The following PRKX variants were observed in gnomAD, a reference collection of about 807,000 sequenced individuals.
The protein encoded by PRKX is cAMP-dependent protein kinase catalytic subunit PRKX.
Under a neutral mutation model 22.0 loss-of-function variants are expected in PRKX, and 12 were observed. The observed-to-expected ratio is 0.54, with a 90% CI of 0.35 to 0.88. PRKX has a LOEUF of 0.88. Among genes scored for constraint, PRKX ranks in the 40% least tolerant of loss-of-function variants. The pLI is 0.01. For missense variants in PRKX, 217 were observed against 308.0 expected (o/e 0.70, Z 2.21); for synonymous variants, 134 against 137.7 (o/e 0.97, Z 0.19).
intron 1 of PRKX, among the ~76,000 whole-genome samples, chrX:3,677,165 TG>T (rs1927976199): frequency 1.8e-5 from 2 of 110,370 alleles, no homozygotes; most frequent in African/African-American, 6.6e-5. Flanking sequence ...AAGTTTTAGT[TG>T]AACAAGATAA....
At chrX:3,675,561 A>G (rs1232715036) in intron 1 of PRKX, among the ~76,000 whole-genome samples, 22 of 104,989 alleles carry the variant, frequency 2.1e-4, no homozygotes, top group African/African-American at 7.4e-4. Context: ...CTCCTCCTCC[A>G]TCTCCTCCTC....
At chrX:3,695,183 G>A (rs191078430) in intron 1 of PRKX, among the ~76,000 whole-genome samples, 132 of 111,100 alleles carry the variant, frequency 1.2e-3, no homozygotes, top group African/African-American at 4.1e-3. Context: ...GATGATAACT[G>A]AAGTCACAGG....
At chrX:3,611,927 C>T (rs1189722252) in intron 8 of PRKX, among the ~76,000 whole-genome samples, 1 of 111,423 alleles carries the variant, frequency 9.0e-6, no homozygotes, top group Non-Finnish European at 1.9e-5. Flanking sequence ...CTTATTTAGA[C>T]ATGCAGGTTC....
intron 7 of PRKX, among the ~76,000 whole-genome samples, chrX:3,615,545 A>T (rs1287301591): frequency 9.0e-6 from 1 of 111,388 alleles, no homozygotes; most frequent in East Asian, 2.8e-4. Context: ...AAAATCTGGG[A>T]TAAGTGTCCA....
intron 6 of PRKX, among the ~76,000 whole-genome samples, chrX:3,616,285 A>G (rs147031795): frequency 0.035 from 3,855 of 111,532 alleles, 73 homozygotes; most frequent in Non-Finnish European, 0.052. Flanking sequence ...GGTTCAAGGA[A>G]TGATGTTAAT....
chrX:3,689,798 A>T (rs1024738320), intron 1 of PRKX, among the ~76,000 whole-genome samples: 2 of 111,599 alleles, frequency 1.8e-5, no homozygotes, highest in South Asian at 3.7e-4. Flanking sequence ...TAACACGGTG[A>T]AACCCTGTCT....
rs1569049318 is a variant in PRKX at position 3,648,605 on chromosome X, C to CGTGT, written c.599+6543_599+6544insACAC. On this transcript the variant is annotated intron_variant, in intron 3 of 8. Coordinates refer to ENST00000262848, the MANE Select transcript of PRKX (RefSeq NM_005044.5). ...TTCAATGTGAATTACTCTCTCTACTCCTGTGTGTGTGTGTGTGTGTGTGTG... is the reference window on the plus strand; with the variant it reads ...TTCAATGTGAATTACTCTCTCTACTCGTGTCTGTGTGTGTGTGTGTGTGTGTGTG... 9.0e-3 allele frequency among the ~76,000 whole-genome samples: 416 copies of CGTGT among 46,138 alleles called. 5 individuals are homozygous for CGTGT. Among genetic ancestry groups the CGTGT allele is most frequent in the African/African-American group, 0.013 (142 of 10,850 alleles). The allele number at this position is 46,138 out of a possible 115,157, so 40.1% of individuals were successfully genotyped here.
chrX:3,644,522 A>G (rs1927151415), intron 3 of PRKX, among the ~76,000 whole-genome samples: 1 of 110,384 alleles, frequency 9.1e-6, no homozygotes, highest in Non-Finnish European at 1.9e-5. Flanking sequence ...GAAGGGACTT[A>G]CTCTCTATCT....
At chrX:3,653,688 A>G (rs1927391441) in intron 3 of PRKX, among the ~76,000 whole-genome samples, 1 of 68,064 alleles carries the variant, frequency 1.5e-5, no homozygotes, top group African/African-American at 5.4e-5. Flanking sequence ...AATATATATA[A>G]TATACTATGT....
At chrX:3,654,180 T>C (rs1927426279) in intron 3 of PRKX, among the ~76,000 whole-genome samples, 1 of 92,960 alleles carries the variant, frequency 1.1e-5, no homozygotes, top group South Asian at 4.4e-4. Context: ...ATATAATATA[T>C]ATTATATATT....
chrX:3,683,771 C>T (rs1928120252), intron 1 of PRKX, among the ~76,000 whole-genome samples: 1 of 111,514 alleles, frequency 9.0e-6, no homozygotes, highest in Non-Finnish European at 1.9e-5. Context: ...CCTGGGAGGT[C>T]GAGGCTGCAG....
chrX:3,675,042 TG>T (rs919175031), intron 1 of PRKX, among the ~76,000 whole-genome samples: 2 of 111,796 alleles, frequency 1.8e-5, no homozygotes, highest in African/African-American at 6.5e-5. Context: ...TTCCTCAATT[TG>T]GGGACAAACT....
intron 2 of PRKX, among the ~76,000 whole-genome samples, chrX:3,666,351 T>A (rs1927729759): frequency 9.1e-6 from 1 of 109,743 alleles, no homozygotes; most frequent in Non-Finnish European, 1.9e-5. Flanking sequence ...AGAGACGGGG[T>A]CTCACTGTGT....
intron 4 of PRKX, among the ~76,000 whole-genome samples, chrX:3,639,750 T>C (rs1171334814): frequency 9.0e-6 from 1 of 111,056 alleles, no homozygotes. Flanking sequence ...AATTCTTTGG[T>C]AGTGCTTGTT....
chrX:3,665,921 T>TGGATGGGGATGG lies in PRKX; in HGVS notation c.335+8665_335+8676dup, dbSNP rs202131676. Among the ~76,000 whole-genome samples the TGGATGGGGATGG allele has an allele frequency of 5.7e-4, 54 of 94,663 alleles. 1 individual carries two copies. In the East Asian group the frequency reaches 0.012, roughly 22 times the overall value. The allele number at this position is 94,663 out of a possible 115,157, so 82.2% of individuals were successfully genotyped here. A position where few individuals can be genotyped will look rare whatever the true frequency, so the allele number is the denominator to read the frequency against. The stretch of plus-strand genomic sequence containing the variant: ...GGAAGATGAAAAGGAGTTCTGGAGA[T>TGGATGGGGATGG]GGATGGGGATGGGGATGGGGATGGG... On this transcript the variant is annotated intron_variant, in intron 2 of 8. Transcript: ENST00000262848.
At chrX:3,639,723 C>T (rs1449279253) in intron 4 of PRKX, among the ~76,000 whole-genome samples, 2 of 111,086 alleles carry the variant, frequency 1.8e-5, no homozygotes, top group African/African-American at 6.6e-5. Context: ...GCATCTCAGG[C>T]TCCGGTTTTG....
In PRKX at chrX:3,713,406, T is replaced by C; in HGVS notation, c.-153A>G. On this transcript the variant is annotated 5_prime_UTR_variant, in exon 1 of 9. Coordinates refer to ENST00000262848, the MANE Select transcript of PRKX (RefSeq NM_005044.5). The stretch of plus-strand genomic sequence containing the variant: ...CTCCTGGTGCGCGGTCCGGCGCGGC[T>C]GACGGAGCGACGGGGACAATGGCTG... 4.7e-6 allele frequency: 2 copies of C among 425,690 alleles called. No individual in the cohort carries two copies. Among genetic ancestry groups the C allele is most frequent in the Non-Finnish European group, 6.9e-6 (2 of 291,688 alleles). The allele number at this position is 425,690 out of a possible 1,213,427, so 35.1% of individuals were successfully genotyped here. A position where few individuals can be genotyped will look rare whatever the true frequency, so the allele number is the denominator to read the frequency against.
Position 3,713,276 on chromosome X carries a change from C to T in PRKX, c.-23G>A, listed in dbSNP as rs1420275958. 5 of 1,006,412 alleles carry T rather than the reference C, an allele frequency of 5.0e-6. No individual in the cohort carries two copies. The African/African-American group carries it at 8.1e-5, about 16-fold the overall frequency. 82.9% of individuals were successfully genotyped at this position (1,006,412 alleles called of 1,213,427 possible). A position where few individuals can be genotyped will look rare whatever the true frequency, so the allele number is the denominator to read the frequency against. On this transcript the variant is annotated 5_prime_UTR_variant, in exon 1 of 9. Coordinates refer to ENST00000262848, the MANE Select transcript of PRKX (RefSeq NM_005044.5). Reference sequence around the variant, plus strand: ...CATGGGGACGCACTCAGGTCCGGGGCACCGGGCCAGGCCGGAGCGCTCGGG... The same window carrying T: ...CATGGGGACGCACTCAGGTCCGGGGTACCGGGCCAGGCCGGAGCGCTCGGG...
chrX:3,634,102 T>C (rs1303844748), intron 4 of PRKX, among the ~76,000 whole-genome samples: 1 of 108,531 alleles, frequency 9.2e-6, no homozygotes, highest in Non-Finnish European at 1.9e-5. Flanking sequence ...ATACAAAAAT[T>C]AGCCAGGCAC....
Sources: allele counts gnomAD v4.1 joint callset (sites outside exome capture counted in the v4.1 genomes callset), GRCh38; gene constraint gnomAD v4.1.1; transcripts MANE v1.5; gene names NCBI Gene and HGNC (gene_info 2026-07-23, HGNC 2026-07-21).